ZNF521: variants seen among roughly 807,000 people sequenced by gnomAD.
ZNF521 encodes LYST-interacting protein 3.
ZNF521 carries 14 observed loss-of-function variants against 105.5 expected under a neutral mutation model. The ratio of observed to expected loss-of-function variants is 0.13; its 90% CI spans 0.09 to 0.21. ZNF521 has a LOEUF of 0.21. ZNF521 is among the 10% of genes least tolerant of loss of function. The pLI is 1.00. For missense variants in ZNF521, 1,233 were observed against 1,629.7 expected (o/e 0.76, Z 4.19); for synonymous variants, 635 against 606.0 (o/e 1.05, Z -0.70).
chr18:25,079,753 G>C (rs1350727629), intron 7 of ZNF521, among the ~76,000 whole-genome samples: 1 of 152,132 alleles, frequency 6.6e-6, no homozygotes, highest in African/African-American at 2.4e-5. Context: ...CACCAGTACT[G>C]TCATGAATTA....
In ZNF521 at chr18:25,226,069, G is replaced by C; in HGVS notation, c.1849C>G (p.Leu617Val). Residue 617 changes from leucine to valine, a missense_variant, in exon 4 of 8, where the codon CTT (leucine) becomes GTT (valine). This residue lies in a region of ZNF521 where 614 missense variants were observed against 751.5 expected (regional missense o/e 0.82). Transcript: ENST00000361524. This position sits in a 1 kb window ranked among gnomAD's most constrained non-coding sequence, Gnocchi z 4.1. ...CCTCCTACTGCCTGCATCATCTTAA[G>C]AGATGTCTGCTCTATGGCCACAGGA... The part of the protein sequence containing the change: ...LSPVAIEQTS[L>V]KMMQAVGGAP... 1.9e-6 allele frequency: 3 copies of C among 1,614,212 alleles called. No homozygotes were observed. Among genetic ancestry groups the C allele is most frequent in the Non-Finnish European group, 2.5e-6 (3 of 1,180,026 alleles).
At chr18:25,104,849 G>A (rs2034039694) in intron 5 of ZNF521, among the ~76,000 whole-genome samples, 1 of 152,072 alleles carries the variant, frequency 6.6e-6, no homozygotes, top group African/African-American at 2.4e-5. Flanking sequence ...ATAAAAAAGT[G>A]AATACATAAT....
At chr18:25,310,350 T>C (rs1473203360) in intron 3 of ZNF521, among the ~76,000 whole-genome samples, 1 of 152,098 alleles carries the variant, frequency 6.6e-6, no homozygotes, top group Non-Finnish European at 1.5e-5. Flanking sequence ...TGTCTACATT[T>C]TTAATTAGTC....
intron 2 of ZNF521, among the ~76,000 whole-genome samples, chr18:25,325,282 C>T (rs1032633100): frequency 6.6e-6 from 1 of 152,214 alleles, no homozygotes; most frequent in Non-Finnish European, 1.5e-5. Flanking sequence ...AGAAAGCTTA[C>T]ACTGTCAACC....
chr18:25,210,486 C>T (rs1001259490), intron 4 of ZNF521, among the ~76,000 whole-genome samples: 10 of 152,114 alleles, frequency 6.6e-5, no homozygotes, highest in Non-Finnish European at 1.5e-4. Flanking sequence ...AAATTATTTG[C>T]CTTGATATGG....
intron 5 of ZNF521, among the ~76,000 whole-genome samples, chr18:25,120,602 A>AAAAAAC (rs1567970614): frequency 1.4e-5 from 2 of 140,138 alleles, no homozygotes; most frequent in African/African-American, 5.9e-5. Flanking sequence ...AAAAAAAAAA[A>AAAAAAC]CCACAAACAA....
chr18:25,133,359 GA>G (rs2144403164), intron 5 of ZNF521, among the ~76,000 whole-genome samples: 1 of 152,286 alleles, frequency 6.6e-6, no homozygotes, highest in South Asian at 2.1e-4. Flanking sequence ...GTGGACAAAT[GA>G]GCAGGTTTTA....
At chr18:25,318,523 T>A (rs1431618438) in intron 3 of ZNF521, among the ~76,000 whole-genome samples, 1 of 152,178 alleles carries the variant, frequency 6.6e-6, no homozygotes, top group East Asian at 1.9e-4. Context: ...AGTTTGCCTA[T>A]CATGGTGGTA....
At chr18:25,200,095 CTG>C (rs1315446145) in intron 4 of ZNF521, among the ~76,000 whole-genome samples, 8 of 152,138 alleles carry the variant, frequency 5.3e-5, no homozygotes, top group Admixed American at 2.0e-4. Context: ...CAGGATTCTA[CTG>C]TCTTTCACAC....
chr18:25,326,201 A>G (rs958151476), intron 2 of ZNF521, among the ~76,000 whole-genome samples: 6 of 152,212 alleles, frequency 3.9e-5, no homozygotes, highest in African/African-American at 1.4e-4. Context: ...GACTATCTGT[A>G]TTCTTGAAAC....
chr18:25,231,996 C>T (rs8091465), intron 3 of ZNF521, among the ~76,000 whole-genome samples: 65,804 of 152,096 alleles, frequency 0.43, 15,594 homozygotes, highest in African/African-American at 0.64. Context: ...AGCTTGTTCA[C>T]TGCAACAGCA....
intron 5 of ZNF521, among the ~76,000 whole-genome samples, chr18:25,116,921 A>G (rs1474405623): frequency 7.3e-6 from 1 of 137,832 alleles, no homozygotes; most frequent in Admixed American, 7.3e-5. Flanking sequence ...ACGTATATCT[A>G]TGTATATATA....
chr18:25,161,522 T>C (rs972185656), intron 5 of ZNF521, among the ~76,000 whole-genome samples: 6 of 152,200 alleles, frequency 3.9e-5, no homozygotes, highest in South Asian at 2.1e-4. Flanking sequence ...AAATGGTGTG[T>C]TTCCTCAATT....
chr18:25,126,525 T>C (rs2034542394), intron 5 of ZNF521, among the ~76,000 whole-genome samples: 2 of 152,106 alleles, frequency 1.3e-5, no homozygotes, highest in Admixed American at 6.6e-5. Flanking sequence ...TAAAAATCTT[T>C]ATTCAACTGA....
chr18:25,147,447 C>T lies in ZNF521; in HGVS notation c.3658+47713G>A, dbSNP rs868136832. Among the ~76,000 whole-genome samples the T allele has an allele frequency of 5.3e-5, 8 of 152,106 alleles. No homozygotes were observed. The East Asian group carries it at 5.8e-4, about 11-fold the overall frequency. On this transcript the variant is annotated intron_variant, in intron 5 of 7. Transcript: ENST00000361524. Reference sequence around the variant, plus strand: ...CAGGTTAGTCCAAGTTCAGAAAATCCGGTTCAGCTATTTTCTTTTTCAACA... The same window carrying T: ...CAGGTTAGTCCAAGTTCAGAAAATCTGGTTCAGCTATTTTCTTTTTCAACA...
intron 3 of ZNF521, among the ~76,000 whole-genome samples, chr18:25,272,758 G>T (rs1156748419): frequency 2.0e-5 from 3 of 151,940 alleles, no homozygotes; most frequent in Admixed American, 1.3e-4. Context: ...ACCGGGGCCT[G>T]TTGTGGGTTG....
chr18:25,296,451 TG>T (rs1366369330), intron 3 of ZNF521, among the ~76,000 whole-genome samples: 1 of 152,208 alleles, frequency 6.6e-6, no homozygotes, highest in Admixed American at 6.5e-5. Context: ...GATCTGAGAT[TG>T]TTTCTTCAAA....
intron 3 of ZNF521, among the ~76,000 whole-genome samples, chr18:25,230,260 T>C (rs763741114): frequency 1.6e-4 from 24 of 152,226 alleles, no homozygotes; most frequent in Admixed American, 1.2e-3. Flanking sequence ...ATAATACTTA[T>C]AGAAAAATAA....
At chr18:25,086,740 A>T (rs539994138) in intron 7 of ZNF521, among the ~76,000 whole-genome samples, 2 of 152,322 alleles carry the variant, frequency 1.3e-5, no homozygotes, top group East Asian at 1.9e-4. Context: ...TATAAGGCTC[A>T]TAGTTTTGGA....
Sources: gnomAD v4.1 joint callset for allele counts (sites outside exome capture counted in the v4.1 genomes callset) on GRCh38, gnomAD v4.1.1 for gene constraint, gnomAD v4.1.1 regional missense constraint, Gnocchi (gnomAD v3.1) non-coding constraint, MANE v1.5 for transcripts, NCBI Gene and HGNC (gene_info 2026-07-23, HGNC 2026-07-21) for gene names.